The following FRRS1 variants were observed in gnomAD, a reference collection of about 807,000 sequenced individuals.
The protein encoded by FRRS1 is ferric chelate reductase 1.
A neutral mutation model predicts 70.7 loss-of-function variants in FRRS1; 51 were observed. The ratio of observed to expected loss-of-function variants is 0.72; its 90% CI spans 0.58 to 0.91. The LOEUF (loss-of-function observed/expected upper bound fraction) is 0.91. Among genes scored for constraint, FRRS1 ranks in the 40% least tolerant of loss-of-function variants. FRRS1 has a pLI of 0.00. For missense variants in FRRS1, 672 were observed against 726.0 expected (o/e 0.93, Z 0.86); for synonymous variants, 225 against 238.7 (o/e 0.94, Z 0.53).
At chr1:99,715,306 T>C (rs571520324) in intron 12 of FRRS1, among the ~76,000 whole-genome samples, 328 of 152,278 alleles carry the variant, frequency 2.2e-3, no homozygotes, top group Non-Finnish European at 3.0e-3. Flanking sequence ...ACACATTGAA[T>C]TGTCACCACT....
intron 1 of FRRS1, 137 bp downstream of exon 1, chr1:99,766,470 G>C (rs1029020327): frequency 1.3e-5 from 2 of 152,170 alleles, no homozygotes; most frequent in African/African-American, 4.8e-5. Flanking sequence ...CATAGTTTCG[G>C]AATACAGCAC....
At chr1:99,732,844 ATTT>A (rs5776486) in intron 7 of FRRS1, among the ~76,000 whole-genome samples, 28,506 of 145,098 alleles carry the variant, frequency 0.2, 2,826 homozygotes, top group East Asian at 0.28. Context: ...TTTTGAGACA[ATTT>A]TTTTTTTTTT....
At chr1:99,720,220 T>C (rs948179156) in intron 9 of FRRS1, among the ~76,000 whole-genome samples, 1 of 152,196 alleles carries the variant, frequency 6.6e-6, no homozygotes, top group African/African-American at 2.4e-5. Flanking sequence ...GATAAATTAT[T>C]TCATTATTAC....
chr1:99,744,291 G>A (rs953540607), intron 4 of FRRS1, among the ~76,000 whole-genome samples: 2 of 152,136 alleles, frequency 1.3e-5, no homozygotes, highest in Non-Finnish European at 2.9e-5. Flanking sequence ...GCAAATGGAA[G>A]GTGAAGGGTC....
intron 1 of FRRS1, among the ~76,000 whole-genome samples, chr1:99,761,065 T>C (rs949217080): frequency 6.6e-6 from 1 of 152,058 alleles, no homozygotes; most frequent in African/African-American, 2.4e-5. Flanking sequence ...TACAATCTAA[T>C]CCTAGTTTCT....
chr1:99,711,799 A>G (rs1654284401), intron 14 of FRRS1, among the ~76,000 whole-genome samples: 1 of 152,222 alleles, frequency 6.6e-6, no homozygotes, highest in Non-Finnish European at 1.5e-5. Flanking sequence ...ATGACCCTCA[A>G]TTTGAGCTAC....
At chr1:99,755,458 A>G (rs1656787583) in intron 1 of FRRS1, among the ~76,000 whole-genome samples, 1 of 152,044 alleles carries the variant, frequency 6.6e-6, no homozygotes, top group Non-Finnish European at 1.5e-5. Flanking sequence ...AGAGGGAAGG[A>G]AGGGAAGGAA....
At chr1:99,752,195 G>A (rs890353127) in intron 1 of FRRS1, among the ~76,000 whole-genome samples, 1 of 152,190 alleles carries the variant, frequency 6.6e-6, no homozygotes, top group Non-Finnish European at 1.5e-5. Flanking sequence ...GTTCACTGGA[G>A]TAACCATTTT....
At chr1:99,722,654 T>G (rs1654894675) in intron 9 of FRRS1, among the ~76,000 whole-genome samples, 2 of 152,228 alleles carry the variant, frequency 1.3e-5, no homozygotes, top group African/African-American at 4.8e-5. Flanking sequence ...CACACATTCA[T>G]ATGAATTCTT....
rs779666316 is a variant in FRRS1, at chr1:99,709,139, T to C, written c.1687-19A>G. 4 of 1,593,688 alleles carry C rather than the reference T, an allele frequency of 2.5e-6. No individual in the cohort carries two copies. In the African/African-American group the frequency reaches 4.1e-5, roughly 16 times the overall value. On this transcript the variant is annotated intron_variant, in intron 16 of 16. Transcript: ENST00000646001. Reference sequence around the variant, plus strand: ...CATGACCCTGAAAGAAAAATTGAGATATGAAAAAAAAAAGTATTACCATTA... The same window carrying C: ...CATGACCCTGAAAGAAAAATTGAGACATGAAAAAAAAAAGTATTACCATTA...
In FRRS1 at chr1:99,705,499, C is replaced by T. The variant is rs1477665691; in HGVS notation, c.*3529G>A. On this transcript the variant is annotated 3_prime_UTR_variant, in exon 17 of 17. Transcript: ENST00000646001. ...TTTTTCCCTGCCTCATGAGAATATACAGATAAATAGAATTTCAGCCAAACA... is the reference window on the plus strand; with the variant it reads ...TTTTTCCCTGCCTCATGAGAATATATAGATAAATAGAATTTCAGCCAAACA... 2.6e-5 allele frequency among the ~76,000 whole-genome samples: 4 copies of T among 152,098 alleles called. No individual in the cohort carries two copies. Among genetic ancestry groups the T allele is most frequent in the Non-Finnish European group, 5.9e-5 (4 of 68,010 alleles).
At chr1:99,710,469 T>G (rs538511002) in intron 15 of FRRS1, among the ~76,000 whole-genome samples, 2 of 152,334 alleles carry the variant, frequency 1.3e-5, no homozygotes, top group East Asian at 3.9e-4. Flanking sequence ...ACTTTGAGTC[T>G]CTTCTTCCTC....
chr1:99,730,233 T>C (rs913379201), intron 7 of FRRS1, among the ~76,000 whole-genome samples: 2 of 152,190 alleles, frequency 1.3e-5, no homozygotes, highest in Non-Finnish European at 2.9e-5. Flanking sequence ...GTACTGGATA[T>C]TTTTTGGTAA....
intron 10 of FRRS1, among the ~76,000 whole-genome samples, chr1:99,718,648 T>C (rs1390937247): frequency 6.6e-6 from 1 of 152,092 alleles, no homozygotes; most frequent in Non-Finnish European, 1.5e-5. Context: ...GTTTTTAGGC[T>C]ACTGTTCTTG....
intron 6 of FRRS1, among the ~76,000 whole-genome samples, chr1:99,739,529 A>C (rs1432061965): frequency 6.6e-6 from 1 of 152,244 alleles, no homozygotes; most frequent in Non-Finnish European, 1.5e-5. Context: ...TATAGTGCCC[A>C]TATGCTATAA....
intron 7 of FRRS1, among the ~76,000 whole-genome samples, chr1:99,736,660 C>T (rs901994668): frequency 1.4e-5 from 2 of 143,716 alleles, no homozygotes; most frequent in Non-Finnish European, 3.0e-5. Flanking sequence ...AGGAGATATA[C>T]CTAATGTTAA....
At chr1:99,759,764 C>A (rs1657027612) in intron 1 of FRRS1, among the ~76,000 whole-genome samples, 1 of 152,134 alleles carries the variant, frequency 6.6e-6, no homozygotes, top group African/African-American at 2.4e-5. Context: ...GATGACCCGG[C>A]AGTTAGAAAC....
In FRRS1 at chr1:99,705,528, C is replaced by A. The variant is rs1024360819; in HGVS notation, c.*3500G>T. Among the ~76,000 whole-genome samples, 3 of 152,192 alleles carry A rather than the reference C, an allele frequency of 2.0e-5. No individual in the cohort carries two copies. Among genetic ancestry groups the A allele is most frequent in the African/African-American group, 7.2e-5 (3 of 41,444 alleles). ...TAAATAGAATTTCAGCCAAACACTA[C>A]ATGTGCCCTGAGAGCTTCCTAGTTG... On this transcript the variant is annotated 3_prime_UTR_variant, in exon 17 of 17. Transcript: ENST00000646001.
intron 1 of FRRS1, among the ~76,000 whole-genome samples, chr1:99,763,080 A>C (rs751966873): frequency 3.3e-5 from 5 of 152,172 alleles, no homozygotes; most frequent in Non-Finnish European, 1.5e-5. Flanking sequence ...GCAGCTTCCC[A>C]AGAATTATTA....
Sources: gnomAD v4.1 joint callset for allele counts (sites outside exome capture counted in the v4.1 genomes callset) on GRCh38, gnomAD v4.1.1 for gene constraint, MANE v1.5 for transcripts, NCBI Gene and HGNC (gene_info 2026-07-23, HGNC 2026-07-21) for gene names.